Variants in LGMN observed in about 807,000 individuals in gnomAD.
The protein encoded by LGMN is asparaginyl endopeptidase.
A neutral mutation model predicts 56.8 loss-of-function variants in LGMN; 36 were observed. The observed-to-expected ratio is 0.63, with a 90% CI of 0.49 to 0.84. LGMN has a LOEUF of 0.84. LGMN is among the 40% of genes least tolerant of loss of function. LGMN has a pLI of 0.00. For missense variants in LGMN, 446 were observed against 556.1 expected (o/e 0.80, Z 1.99); for synonymous variants, 199 against 210.1 (o/e 0.95, Z 0.46).
chr14:92,742,758 A>C (rs965461490), intron 1 of LGMN, among the ~76,000 whole-genome samples: 3 of 152,162 alleles, frequency 2.0e-5, no homozygotes, highest in Admixed American at 1.3e-4. Flanking sequence ...GAAGCATTGG[A>C]TACAGGCTGG....
Position 92,706,592 on chromosome 14 carries a change from G to A in LGMN, c.1082C>T (p.Ala361Val). 1 of 1,603,344 alleles carries A rather than the reference G, an allele frequency of 6.2e-7. No individual in the cohort carries two copies. Among genetic ancestry groups the A allele is most frequent in the Non-Finnish European group, 8.5e-7 (1 of 1,171,326 alleles). The change falls in exon 12 of 14, where the codon GCT becomes GTT. Residue 361 changes from alanine (A) to valine (V), a missense_variant. Transcript: ENST00000334869. Reference protein sequence around the residue: ...KIVSLLAASEAEVEQLLSERA... With the variant: ...KIVSLLAASEVEVEQLLSERA... ...CTCGGACAGGAGCTGCTCCACCTCAGCCTCGGACGCTGCCAGCAAGGAGAC... is the reference window on the plus strand; with the variant it reads ...CTCGGACAGGAGCTGCTCCACCTCAACCTCGGACGCTGCCAGCAAGGAGAC...
chr14:92,730,105 C>T (rs537496150), intron 2 of LGMN, among the ~76,000 whole-genome samples: 1 of 152,200 alleles, frequency 6.6e-6, no homozygotes, highest in South Asian at 2.1e-4. Flanking sequence ...GATGAGTAAT[C>T]GTGTTAACTC....
intron 4 of LGMN, among the ~76,000 whole-genome samples, chr14:92,716,882 T>C (rs941530907): frequency 9.9e-5 from 15 of 152,108 alleles, no homozygotes; most frequent in Non-Finnish European, 2.1e-4. Flanking sequence ...AATGTGTCAA[T>C]TGAGACAGTC....
At chr14:92,744,752 C>G (rs1329669553) in intron 1 of LGMN, among the ~76,000 whole-genome samples, 1 of 151,970 alleles carries the variant, frequency 6.6e-6, no homozygotes, top group African/African-American at 2.4e-5. Context: ...TGCACCACCA[C>G]GCCCGGCTAA....
At chr14:92,748,393 C>T (rs1374252321) in intron 1 of LGMN, 96 bp downstream of exon 1, 1 of 152,788 alleles carries the variant, frequency 6.5e-6, no homozygotes, top group Non-Finnish European at 1.5e-5. Flanking sequence ...AAATGAAAAT[C>T]CCAGCCCTGA....
intron 11 of LGMN, among the ~76,000 whole-genome samples, chr14:92,709,422 G>A (rs144175189): frequency 3.3e-4 from 50 of 152,314 alleles, no homozygotes; most frequent in African/African-American, 1.1e-3. Flanking sequence ...TTCTTGGTAC[G>A]ATACAGGGGA....
intron 6 of LGMN, 90 bp from the exon 7 acceptor site, chr14:92,713,975 A>C: frequency 1.1e-6 from 1 of 937,296 alleles, no homozygotes; most frequent in African/African-American, 1.6e-5. Context: ...TCCTTCATAA[A>C]CTCTTTTCTA....
chr14:92,715,123 C>G (rs535863398), intron 5 of LGMN, among the ~76,000 whole-genome samples: 1 of 151,738 alleles, frequency 6.6e-6, no homozygotes, highest in African/African-American at 2.4e-5. Context: ...CTCAGCCTCC[C>G]GAGTAGCTGG....
At chr14:92,729,743 C>T (rs776648483) in intron 2 of LGMN, among the ~76,000 whole-genome samples, 6 of 152,244 alleles carry the variant, frequency 3.9e-5, no homozygotes, top group Non-Finnish European at 8.8e-5. Context: ...TTTGAACACT[C>T]TTTTAATGAT....
Position 92,714,691 on chromosome 14 carries a change from A to G in LGMN, c.405-240T>C, listed in dbSNP as rs1889975258. On this transcript the variant is annotated intron_variant, in intron 5 of 13. Coordinates refer to ENST00000334869, the MANE Select transcript of LGMN (RefSeq NM_005606.7). The surrounding 1 kb of genome is among the most constrained non-coding windows in gnomAD (Gnocchi z 5.1). ...TCCAAATTCTGAACTACGGCTGGAA[A>G]GGAGGAGGGGCCTTTCCTGGGCAAC... Among the ~76,000 whole-genome samples the G allele has an allele frequency of 6.6e-6, 1 of 152,164 alleles. No individual in the cohort carries two copies. The highest frequency in any genetic ancestry group is 2.4e-5 in the African/African-American group (1 of 41,432).
At chr14:92,726,914 T>C (rs777115678) in intron 2 of LGMN, among the ~76,000 whole-genome samples, 2 of 152,198 alleles carry the variant, frequency 1.3e-5, no homozygotes, top group Non-Finnish European at 2.9e-5. Flanking sequence ...GAGCACGTGA[T>C]GCAATTCTGG....
chr14:92,706,498 G>A lies in LGMN; in HGVS notation c.1176C>T (p.Asn392=). ...GCTGGCTCACCGTGGGGGAGTGCCAGTTGAAGCAGTGGGTCCGGAAGTGCA... is the reference window on the plus strand; with the variant it reads ...GCTGGCTCACCGTGGGGGAGTGCCAATTGAAGCAGTGGGTCCGGAAGTGCA... The part of the protein sequence containing the change: ...ALLHFRTHCF[N]WHSPTYEYAL... The change falls in exon 12 of 14, where the codon AAC becomes AAT. Residue 392 remains asparagine (N), a synonymous_variant. Coordinates refer to ENST00000334869, the MANE Select transcript of LGMN (RefSeq NM_005606.7). 6.4e-7 allele frequency: 1 copy of A among 1,555,876 alleles called. No homozygotes were observed. Among genetic ancestry groups the A allele is most frequent in the Non-Finnish European group, 8.8e-7 (1 of 1,139,574 alleles).
chr14:92,731,766 A>G (rs1300383615), intron 2 of LGMN, among the ~76,000 whole-genome samples: 1 of 152,206 alleles, frequency 6.6e-6, no homozygotes, highest in Non-Finnish European at 1.5e-5. Flanking sequence ...AGTCATGTAC[A>G]TGTTCATGTG....
At chr14:92,724,668 A>G (rs1242112) in intron 2 of LGMN, among the ~76,000 whole-genome samples, 98,582 of 152,124 alleles carry the variant, frequency 0.65, 33,012 homozygotes, top group East Asian at 0.87. Flanking sequence ...CCGGAATGAC[A>G]AACAGAGATT....
intron 11 of LGMN, 44 bp from the exon 12 acceptor site, chr14:92,706,697 GGT>G: frequency 6.7e-7 from 1 of 1,502,890 alleles, no homozygotes; most frequent in Non-Finnish European, 9.0e-7. Flanking sequence ...CCCTGAATGC[GGT>G]CTCTCAGGGA....
At chr14:92,732,548 C>T in intron 2 of LGMN, 101 bp downstream of exon 2, 13 of 1,370,144 alleles carry the variant, frequency 9.5e-6, no homozygotes, top group Non-Finnish European at 1.3e-5. Context: ...ACAGGTCCGT[C>T]AATGGCTTTT....
chr14:92,740,496 C>T (rs752100453), intron 1 of LGMN, among the ~76,000 whole-genome samples: 8 of 152,172 alleles, frequency 5.3e-5, no homozygotes, highest in Non-Finnish European at 7.4e-5. Flanking sequence ...GCAGATCTGA[C>T]GGCAAAGACT....
chr14:92,741,440 G>C (rs905563469), intron 1 of LGMN: 1 of 152,186 alleles, frequency 6.6e-6, no homozygotes, highest in African/African-American at 2.4e-5. Flanking sequence ...CTCTGGGTTA[G>C]ACACAGAAGA....
intron 11 of LGMN, among the ~76,000 whole-genome samples, chr14:92,709,382 A>G (rs1424080887): frequency 2.0e-5 from 3 of 152,248 alleles, no homozygotes; most frequent in African/African-American, 2.4e-5. Flanking sequence ...GCAACAAGGT[A>G]TAAAAGAGGG....
Sources: allele counts gnomAD v4.1 joint callset (sites outside exome capture counted in the v4.1 genomes callset), GRCh38; gene constraint gnomAD v4.1.1; non-coding constraint Gnocchi (gnomAD v3.1); transcripts MANE v1.5; gene names NCBI Gene and HGNC (gene_info 2026-07-23, HGNC 2026-07-21).